Variants in RABGAP1L observed in about 807,000 individuals in gnomAD.
RABGAP1L encodes rab GTPase-activating protein 1-like.
Under a neutral mutation model 137.7 loss-of-function variants are expected in RABGAP1L, and 63 were observed. That is an observed-to-expected ratio of 0.46 (90% confidence interval 0.37 to 0.56). The LOEUF is 0.56. Among genes scored for constraint, RABGAP1L ranks in the 20% least tolerant of loss-of-function variants. RABGAP1L has a pLI of 0.00. For missense variants in RABGAP1L, 1,095 were observed against 1,244.0 expected (o/e 0.88, Z 1.80); for synonymous variants, 431 against 433.7 (o/e 0.99, Z 0.08).
chr1:174,348,230 C>G (rs1682633809), intron 11 of RABGAP1L, among the ~76,000 whole-genome samples: 1 of 150,494 alleles, frequency 6.6e-6, no homozygotes, highest in Admixed American at 6.6e-5. Flanking sequence ...CTATTTTAAA[C>G]TGATGACAGC....
intron 13 of RABGAP1L, among the ~76,000 whole-genome samples, chr1:174,483,343 A>G (rs540956155): frequency 2.6e-5 from 4 of 152,114 alleles, no homozygotes; most frequent in South Asian, 2.1e-4. Flanking sequence ...CCCTGAGTCA[A>G]TTGTTTTAAT....
At chr1:174,363,777 T>A (rs933016000) in intron 11 of RABGAP1L, among the ~76,000 whole-genome samples, 2 of 152,038 alleles carry the variant, frequency 1.3e-5, no homozygotes, top group Non-Finnish European at 2.9e-5. Flanking sequence ...GTTTATTGAG[T>A]GCTTTTTCAG....
intron 11 of RABGAP1L, among the ~76,000 whole-genome samples, chr1:174,315,198 G>GT (rs1158470279): frequency 6.6e-6 from 1 of 151,980 alleles, no homozygotes; most frequent in Non-Finnish European, 1.5e-5. Context: ...TAAAATTGTT[G>GT]TATCTTTTTG....
intron 1 of RABGAP1L, among the ~76,000 whole-genome samples, chr1:174,216,968 A>T (rs1669381592): frequency 6.6e-6 from 1 of 152,174 alleles, no homozygotes; most frequent in African/African-American, 2.4e-5. Flanking sequence ...TGAGGGAAGA[A>T]GACTGGAAAT....
chr1:174,711,797 C>T (rs1278247419), intron 17 of RABGAP1L, among the ~76,000 whole-genome samples: 2 of 152,222 alleles, frequency 1.3e-5, no homozygotes, highest in Non-Finnish European at 2.9e-5. Context: ...GGGCACATGG[C>T]ATGGGACTGG....
chr1:174,394,691 C>T (rs966513973), intron 13 of RABGAP1L, among the ~76,000 whole-genome samples: 1 of 152,022 alleles, frequency 6.6e-6, no homozygotes, highest in Non-Finnish European at 1.5e-5. Flanking sequence ...GGACTCACCA[C>T]CCTAGGTCTT....
intron 17 of RABGAP1L, among the ~76,000 whole-genome samples, chr1:174,703,058 T>C (rs1200262525): frequency 1.3e-5 from 2 of 152,190 alleles, no homozygotes; most frequent in Non-Finnish European, 1.5e-5. Flanking sequence ...GATTATAAGC[T>C]TAATATATAA....
chr1:174,807,259 A>G (rs547376218), intron 18 of RABGAP1L, among the ~76,000 whole-genome samples: 17 of 152,254 alleles, frequency 1.1e-4, no homozygotes, highest in Non-Finnish European at 1.9e-4. Context: ...AAAATTTTTT[A>G]TTTTGGGCCA....
intron 10 of RABGAP1L, among the ~76,000 whole-genome samples, chr1:174,294,566 A>G (rs1038739835): frequency 6.6e-6 from 1 of 152,194 alleles, no homozygotes; most frequent in African/African-American, 2.4e-5. Flanking sequence ...AAGGGTTTTA[A>G]CTTCTGAATG....
intron 13 of RABGAP1L, among the ~76,000 whole-genome samples, chr1:174,599,379 T>A (rs946902215): frequency 1.3e-5 from 2 of 152,228 alleles, no homozygotes; most frequent in Non-Finnish European, 2.9e-5. Context: ...TACAGACCAC[T>A]GTTACAGTGT....
Position 174,527,284 on chromosome 1 carries a change from A to G in RABGAP1L, c.1711-110091A>G, listed in dbSNP as rs149789610. Reference sequence around the variant, plus strand: ...AGTGGCACGATCTTGGCTCACTTCAACCTTTGCCTCCCTGATTCAAGCGAT... The same window carrying G: ...AGTGGCACGATCTTGGCTCACTTCAGCCTTTGCCTCCCTGATTCAAGCGAT... On this transcript the variant is annotated intron_variant, in intron 13 of 25. Coordinates refer to ENST00000681986, the MANE Select transcript of RABGAP1L (RefSeq NM_001366446.1). Among the ~76,000 whole-genome samples the G allele has an allele frequency of 3.8e-3, 575 of 149,996 alleles. 5 individuals are homozygous for G. The highest frequency in any genetic ancestry group is 0.012 in the African/African-American group (495 of 40,844).
chr1:174,757,827 C>T (rs1264577281), intron 18 of RABGAP1L, among the ~76,000 whole-genome samples: 1 of 151,794 alleles, frequency 6.6e-6, no homozygotes, highest in Non-Finnish European at 1.5e-5. Context: ...GGTTCGAGAC[C>T]AGCCTGGCCA....
chr1:174,297,775 A>C (rs1677264051), intron 10 of RABGAP1L, among the ~76,000 whole-genome samples: 1 of 152,188 alleles, frequency 6.6e-6, no homozygotes, highest in Non-Finnish European at 1.5e-5. Context: ...AAACCGGGTT[A>C]TTAGAAGACA....
chr1:174,181,098 A>G (rs936036278), intron 1 of RABGAP1L, among the ~76,000 whole-genome samples: 20 of 152,166 alleles, frequency 1.3e-4, no homozygotes, highest in Non-Finnish European at 2.1e-4. Flanking sequence ...CTTTTTTGCT[A>G]CAACTAACAC....
intron 13 of RABGAP1L, among the ~76,000 whole-genome samples, chr1:174,605,531 A>G (rs375724673): frequency 1.6e-4 from 24 of 152,064 alleles, no homozygotes; most frequent in South Asian, 1.2e-3. Context: ...TCCTATTACA[A>G]TTCTTCGAAG....
chr1:174,634,807 C>A (rs1673798183), intron 13 of RABGAP1L, among the ~76,000 whole-genome samples: 1 of 146,468 alleles, frequency 6.8e-6, no homozygotes, highest in Non-Finnish European at 1.5e-5. Context: ...ACCGCATATT[C>A]TCCCTCATAG....
intron 11 of RABGAP1L, among the ~76,000 whole-genome samples, chr1:174,339,198 T>G (rs1355644608): frequency 6.6e-6 from 1 of 152,226 alleles, no homozygotes; most frequent in Non-Finnish European, 1.5e-5. Flanking sequence ...AAAATATCTT[T>G]AAAAAATTAA....
chr1:174,355,486 A>G (rs995350855), intron 11 of RABGAP1L, among the ~76,000 whole-genome samples: 3 of 140,278 alleles, frequency 2.1e-5, no homozygotes, highest in Admixed American at 2.1e-4. Flanking sequence ...GTGGGGAGGG[A>G]TAGCATTAGG....
rs76140710 is a variant in RABGAP1L at position 174,276,342 on chromosome 1, G to C, written c.1156+407G>C. Among the ~76,000 whole-genome samples, 1,002 of 152,122 alleles carry C rather than the reference G, an allele frequency of 6.6e-3. 9 individuals are homozygous for C. The highest frequency in any genetic ancestry group is 0.014 in the Middle Eastern group (4 of 294). ...TTAAATTTTATTTTTGTAGCGATGGGGTCATGCTTTGTTGCCCAGGCTTGT... is the reference window on the plus strand; with the variant it reads ...TTAAATTTTATTTTTGTAGCGATGGCGTCATGCTTTGTTGCCCAGGCTTGT... On this transcript the variant is annotated intron_variant, in intron 9 of 25. Coordinates refer to ENST00000681986, the MANE Select transcript of RABGAP1L (RefSeq NM_001366446.1).
Sources: allele counts gnomAD v4.1 joint callset (sites outside exome capture counted in the v4.1 genomes callset), GRCh38; gene constraint gnomAD v4.1.1; transcripts MANE v1.5; gene names NCBI Gene and HGNC (gene_info 2026-07-23, HGNC 2026-07-21).